The following PTPN2 variants were observed in gnomAD, a reference collection of about 807,000 sequenced individuals.
The protein encoded by PTPN2 is tyrosine-protein phosphatase non-receptor type 2.
Under a neutral mutation model 57.3 loss-of-function variants are expected in PTPN2, and 19 were observed. The observed-to-expected ratio is 0.33, with a 90% CI of 0.23 to 0.49. The LOEUF is 0.49. Ranked by LOEUF, PTPN2 falls within the 20% of genes least tolerant of loss-of-function variation. The pLI, the probability that PTPN2 is intolerant of heterozygous loss-of-function variation, is 0.99. For synonymous variants in PTPN2, 153 were observed against 164.9 expected (o/e 0.93, Z 0.55); for missense variants, 358 against 501.1 (o/e 0.71, Z 2.73).
intron 1 of PTPN2, chr18:12,869,172 AATTTT>A (rs1386616341): frequency 6.6e-6 from 1 of 152,140 alleles, no homozygotes; most frequent in Non-Finnish European, 1.5e-5. Flanking sequence ...GTAAAATTTT[AATTTT>A]ATTTTACTTA....
chr18:12,800,345 G>T (rs1190365634), intron 8 of PTPN2, among the ~76,000 whole-genome samples: 2 of 151,986 alleles, frequency 1.3e-5, no homozygotes, highest in East Asian at 1.9e-4. Flanking sequence ...TAATTCTGCA[G>T]ATAGTACTAG....
At chr18:12,857,635 C>CA (rs1365933467) in intron 2 of PTPN2, among the ~76,000 whole-genome samples, 61 of 152,144 alleles carry the variant, frequency 4.0e-4, no homozygotes, top group Admixed American at 4.0e-3. Context: ...GATTCTCAAT[C>CA]AGAGATTTGG....
At chr18:12,878,495 C>T (rs1469098958) in intron 1 of PTPN2, among the ~76,000 whole-genome samples, 2 of 152,036 alleles carry the variant, frequency 1.3e-5, no homozygotes, top group South Asian at 2.1e-4. Flanking sequence ...CATGGTGAAA[C>T]CCCGTTTCTA....
At chr18:12,874,137 G>T (rs1481206007) in intron 1 of PTPN2, among the ~76,000 whole-genome samples, 1 of 152,128 alleles carries the variant, frequency 6.6e-6, no homozygotes, top group South Asian at 2.1e-4. Flanking sequence ...CCTGGCAGCC[G>T]CCCCGTCCAG....
intron 5 of PTPN2, 115 bp downstream of exon 5, chr18:12,825,695 G>T: frequency 1.1e-6 from 1 of 923,610 alleles, no homozygotes; most frequent in Non-Finnish European, 1.5e-6. Flanking sequence ...ATTATGGCTA[G>T]ATACTATAGG....
At chr18:12,855,193 T>C (rs1015658224) in intron 2 of PTPN2, among the ~76,000 whole-genome samples, 1 of 152,020 alleles carries the variant, frequency 6.6e-6, no homozygotes, top group Admixed American at 6.6e-5. Context: ...GAAGTGTGCA[T>C]GGTGGGGAGG....
At chr18:12,787,951 T>C (rs181907633), downstream of PTPN2, 26 of 154,484 alleles carry the variant, frequency 1.7e-4, no homozygotes, top group African/African-American at 4.1e-4. Context: ...AAAAGCCAAA[T>C]TGCACCAAGA....
At position 12,871,741 on chromosome 18, in the gene PTPN2, G is replaced by A. The variant is rs184711927; in HGVS notation, c.69+12332C>T. The stretch of plus-strand genomic sequence containing the variant: ...TTTATGTTTAGATTATTGCCCAACC[G>A]GGACTTTACTGTAGTATAAAGAATG... On this transcript the variant is annotated intron_variant, in intron 1 of 8. Transcript: ENST00000309660. 1.8e-4 allele frequency among the ~76,000 whole-genome samples: 28 copies of A among 151,910 alleles called. 1 individual carries two copies. The highest frequency in any genetic ancestry group is 5.6e-4 in the African/African-American group (23 of 41,394).
chr18:12,802,592 A>G (rs1568086088), intron 7 of PTPN2, among the ~76,000 whole-genome samples: 2 of 152,216 alleles, frequency 1.3e-5, no homozygotes, highest in African/African-American at 4.8e-5. Context: ...AAAGTCAGAC[A>G]TAGAGAATTC....
rs76139450 is a variant in PTPN2 at position 12,816,747 on chromosome 18, T to C, written c.705+409A>G. Among the ~76,000 whole-genome samples the C allele has an allele frequency of 5.4e-3, 820 of 152,310 alleles. 9 individuals are homozygous for C. The highest frequency in any genetic ancestry group is 0.019 in the African/African-American group (787 of 41,576). ...TAAGTCTCCTTAATGTATTAATTCA[T>C]TGAATTCTCACAGGAACCCTGTGAA... On this transcript the variant is annotated intron_variant, in intron 6 of 8. Coordinates refer to ENST00000309660, the MANE Select transcript of PTPN2 (RefSeq NM_002828.4).
intron 2 of PTPN2, among the ~76,000 whole-genome samples, chr18:12,846,096 A>G (rs1030310103): frequency 1.3e-5 from 2 of 152,044 alleles, no homozygotes; most frequent in Admixed American, 6.5e-5. Context: ...CAGTTTGTAT[A>G]TTTTTGGCAT....
intron 9 of PTPN2, chr18:12,786,067 T>C (rs1305450077): frequency 1.9e-6 from 1 of 532,630 alleles, no homozygotes; most frequent in Non-Finnish European, 3.3e-6. Flanking sequence ...CGCGGCCTCA[T>C]GTGGAAGCAT....
chr18:12,819,031 T>A (rs1598781385), intron 5 of PTPN2: 1 of 310,978 alleles, frequency 3.2e-6, no homozygotes, highest in Non-Finnish European at 5.9e-6. Flanking sequence ...GAGGCGGAGG[T>A]TGTGGTGAGC....
chr18:12,824,387 T>C, intron 5 of PTPN2, among the ~76,000 whole-genome samples: 1 of 152,104 alleles, frequency 6.6e-6, no homozygotes, highest in Non-Finnish European at 1.5e-5. Context: ...AAAACACAAG[T>C]GTTTCAAGGG....
intron 8 of PTPN2, among the ~76,000 whole-genome samples, chr18:12,798,763 G>C (rs112557124): frequency 6.6e-6 from 1 of 152,102 alleles, no homozygotes; most frequent in Non-Finnish European, 1.5e-5. Context: ...ATTCTTTTGG[G>C]TGTATACCCA....
intron 1 of PTPN2, among the ~76,000 whole-genome samples, chr18:12,865,945 T>C (rs1598876906): frequency 6.6e-6 from 1 of 152,160 alleles, no homozygotes; most frequent in African/African-American, 2.4e-5. Context: ...GAGAAACGAA[T>C]ACATACATTC....
At chr18:12,862,156 C>CTTTTT (rs71174145) in intron 1 of PTPN2, 1 of 144,186 alleles carries the variant, frequency 6.9e-6, no homozygotes, top group Non-Finnish European at 1.5e-5. Flanking sequence ...CTTTCTCTTT[C>CTTTTT]TTTTTTTTTT....
intron 5 of PTPN2, among the ~76,000 whole-genome samples, chr18:12,821,145 A>G (rs1340620438): frequency 1.3e-5 from 2 of 152,226 alleles, no homozygotes; most frequent in African/African-American, 4.8e-5. Flanking sequence ...GGAAGGTACC[A>G]AGATTTTGTT....
intron 1 of PTPN2, among the ~76,000 whole-genome samples, chr18:12,866,083 TAGA>T (rs1379524708): frequency 1.3e-5 from 2 of 152,290 alleles, no homozygotes; most frequent in Middle Eastern, 3.4e-3. Flanking sequence ...CTTACTAACT[TAGA>T]AGAAGAAACA....
Sources: gnomAD v4.1 joint callset for allele counts (sites outside exome capture counted in the v4.1 genomes callset) on GRCh38, gnomAD v4.1.1 for gene constraint, MANE v1.5 for transcripts, NCBI Gene and HGNC (gene_info 2026-07-23, HGNC 2026-07-21) for gene names.